SNX21: variants seen among roughly 807,000 people sequenced by gnomAD.
SNX21 encodes the protein sorting nexin family member 21.
In SNX21, 36 loss-of-function variants were observed where a neutral mutation model predicts 30.9. The observed-to-expected ratio is 1.16, with a 90% CI of 0.89 to 1.54. The LOEUF is 1.54. Among genes scored for constraint, SNX21 ranks in the 40% most tolerant of loss-of-function variants. The pLI is 0.00. For synonymous variants in SNX21, 218 were observed against 222.7 expected (o/e 0.98, Z 0.19); for missense variants, 508 against 516.5 (o/e 0.98, Z 0.16).
rs532837294 is a variant in SNX21 at position 45,833,872 on chromosome 20, G to A, written c.-48G>A. On this transcript the variant is annotated 5_prime_UTR_variant, in exon 1 of 4. Transcript: ENST00000491381. ...CTGCAGAACCCGGCCGACCTCCATG[G>A]GCTGCGGGGGGCTGCACCCGGACCC... is the stretch of plus-strand genomic sequence containing the variant. 219 of 1,330,616 alleles carry A rather than the reference G, an allele frequency of 1.6e-4. No homozygotes were observed. The highest frequency in any genetic ancestry group is 2.0e-4 in the Non-Finnish European group (212 of 1,038,952). The allele number at this position is 1,330,616 out of a possible 1,614,324, so 82.4% of individuals were successfully genotyped here. A position where few individuals can be genotyped will look rare whatever the true frequency, so the allele number is the denominator to read the frequency against.
Position 45,834,376 on chromosome 20 carries a change from C to CCGAGGAGGA in SNX21, c.203_204insGGACGAGGA (p.Glu67_Asp68insGluAspGlu), listed in dbSNP as rs768689522. 4 of 1,604,250 alleles carry CCGAGGAGGA rather than the reference C, an allele frequency of 2.5e-6. No individual in the cohort carries two copies. The African/African-American group carries it at 5.3e-5, about 21-fold the overall frequency. On this transcript the variant is annotated inframe_insertion, in exon 2 of 4. Transcript: ENST00000491381. ...AGCGGCACCCTCAGCTTCACCAGCG[C>CCGAGGAGGA]CGAGGACGACGAGGACGACGAGGAC...
In SNX21 at chr20:45,842,753, G is replaced by C; in HGVS notation, c.*1440G>C. The C allele has an allele frequency of 1.0e-6, 1 of 989,310 alleles. No homozygotes were observed. The allele number at this position is 989,310 out of a possible 1,614,324, so 61.3% of individuals were successfully genotyped here. A position where few individuals can be genotyped will look rare whatever the true frequency, so the allele number is the denominator to read the frequency against. Reference sequence around the variant, plus strand: ...GAGAGGGTCAGGAATTTGGCCCCATGATGAAGCCAAATCTGAACCCATGTC... The same window carrying C: ...GAGAGGGTCAGGAATTTGGCCCCATCATGAAGCCAAATCTGAACCCATGTC... On this transcript the variant is annotated 3_prime_UTR_variant, in exon 4 of 4. Transcript: ENST00000491381.
chr20:45,840,388 G>A, intron 3 of SNX21: 3 of 1,614,202 alleles, frequency 1.9e-6, no homozygotes, highest in South Asian at 1.1e-5. Flanking sequence ...GCAGCCCCGG[G>A]CACTGAAGCT....
chr20:45,839,804 G>A (rs1169220623), intron 3 of SNX21, among the ~76,000 whole-genome samples: 2 of 151,966 alleles, frequency 1.3e-5, no homozygotes, highest in African/African-American at 4.8e-5. Flanking sequence ...AGCTACTTGG[G>A]AGGCTGAGGC....
In SNX21 at chr20:45,841,533, A is replaced by G. The variant is rs1984125383; in HGVS notation, c.*220A>G. The G allele has an allele frequency of 1.4e-6, 2 of 1,386,968 alleles. No individual in the cohort carries two copies. The highest frequency in any genetic ancestry group is 1.8e-5 in the South Asian group (1 of 55,258). 85.9% of individuals were successfully genotyped at this position (1,386,968 alleles called of 1,614,324 possible). A position where few individuals can be genotyped will look rare whatever the true frequency, so the allele number is the denominator to read the frequency against. On this transcript the variant is annotated 3_prime_UTR_variant, in exon 4 of 4. Transcript: ENST00000491381. ...CTTGTGTAGTACAGGGAAGTCTGAC[A>G]CAGCCTCTCCAGCCTATAAACAGCC...
rs1463464749 is a variant in SNX21 at position 45,834,977 on chromosome 20, A to T, written c.308A>T (p.Asp103Val). Residue 103 changes from aspartate (D) to valine (V), a missense_variant, in exon 3 of 4, where the codon GAT becomes GTT. Asp to Val is a radical substitution (Grantham distance 152). Transcript: ENST00000491381. ...GEDAERSPPP[D>V]GQWGSQLLAR... is the part of the protein sequence containing the mutation. ...TCTGCAGAACGGAGCCCCCCACCTG[A>T]TGGGCAGTGGGGCAGTCAGCTCCTG... is the stretch of plus-strand genomic sequence containing the variant. 1 of 1,613,994 alleles carries T rather than the reference A, an allele frequency of 6.2e-7. No homozygotes were observed. Among genetic ancestry groups the T allele is most frequent in the Admixed American group, 1.7e-5 (1 of 59,994 alleles).
Position 45,840,812 on chromosome 20 carries a change from G to GACCAT in SNX21, c.622_626dup (p.Ala210ProfsTer77), listed in dbSNP as rs757254392. On this transcript the variant is annotated frameshift_variant, in exon 4 of 4. Transcript: ENST00000491381. LOFTEE classifies it high-confidence loss of function. ...GGCTGCGCCGGAATTTTACTGCAGAGACCATTGCCCGCCGTAGCCGGGCCT... is the reference window on the plus strand; with the variant it reads ...GGCTGCGCCGGAATTTTACTGCAGAGACCATACCATTGCCCGCCGTAGCCGGGCCT... 10 of 1,613,822 alleles carry GACCAT rather than the reference G, an allele frequency of 6.2e-6. No individual in the cohort carries two copies. The African/African-American group carries it at 1.2e-4, about 19-fold the overall frequency.
In SNX21 at chr20:45,834,194, C is replaced by A. The variant is rs777783045; in HGVS notation, c.22-7C>A. On this transcript the variant is annotated splice_polypyrimidine_tract_variant and splice_region_variant and intron_variant, in intron 1 of 3. Transcript: ENST00000491381. ...ATCCGGTACACAGCGTCGCGCGCTCCCCCCAGGGTGCCATGGCCTCCCGGC... is the reference window on the plus strand; with the variant it reads ...ATCCGGTACACAGCGTCGCGCGCTCACCCCAGGGTGCCATGGCCTCCCGGC... The A allele has an allele frequency of 6.7e-7, 1 of 1,492,062 alleles. No homozygotes were observed. Among genetic ancestry groups the A allele is most frequent in the South Asian group, 1.3e-5 (1 of 74,078 alleles). The allele number at this position is 1,492,062 out of a possible 1,614,324, so 92.4% of individuals were successfully genotyped here.
chr20:45,837,724 TTTC>T (rs376709948), intron 3 of SNX21, among the ~76,000 whole-genome samples: 38 of 152,318 alleles, frequency 2.5e-4, no homozygotes, highest in African/African-American at 7.9e-4. Flanking sequence ...CTTGTGTCCT[TTTC>T]TTCTTAACAT....
At chr20:45,839,532 TAAAAA>T (rs948717538) in intron 3 of SNX21, among the ~76,000 whole-genome samples, 2 of 150,502 alleles carry the variant, frequency 1.3e-5, no homozygotes, top group African/African-American at 2.4e-5. Flanking sequence ...TCAAAAAAAA[TAAAAA>T]AATAAAAAAA....
chr20:45,836,825 G>C (rs568528237), intron 3 of SNX21, among the ~76,000 whole-genome samples: 74 of 152,138 alleles, frequency 4.9e-4, no homozygotes, highest in African/African-American at 1.7e-3. Context: ...AGTATGCCCC[G>C]GCCTGTGTCT....
intron 3 of SNX21, among the ~76,000 whole-genome samples, chr20:45,839,290 C>A (rs551549615): frequency 3.3e-5 from 5 of 152,064 alleles, no homozygotes; most frequent in Non-Finnish European, 5.9e-5. Flanking sequence ...CAAAGGCGGG[C>A]GGATCACAAG....
rs1312920715 is a variant in SNX21, at chr20:45,841,232, C to T, written c.1041C>T (p.Leu347=). Reference sequence around the variant, plus strand: ...ACAAACGTCAATCAGAGGCTCGGCTCCAAGCCCTGCAGGAGGCAGGCCTTA... The same window carrying T: ...ACAAACGTCAATCAGAGGCTCGGCTTCAAGCCCTGCAGGAGGCAGGCCTTA... ...GLDKRQSEAR[L]QALQEAGLTP... The change falls in exon 4 of 4, where the codon CTC becomes CTT. Residue 347 remains leucine, a synonymous_variant. Transcript: ENST00000491381. 4 of 1,613,014 alleles carry T rather than the reference C, an allele frequency of 2.5e-6. No individual in the cohort carries two copies. The highest frequency in any genetic ancestry group is 2.5e-6 in the Non-Finnish European group (3 of 1,179,648).
At chr20:45,834,821 C>T in intron 2 of SNX21, 138 bp from the exon 3 acceptor site, 1 of 1,187,692 alleles carries the variant, frequency 8.4e-7, no homozygotes, top group Non-Finnish European at 1.2e-6. Flanking sequence ...TCCTCGGTGC[C>T]TCTCTGTCCC....
Position 45,833,912 on chromosome 20 carries a change from G to GC in SNX21, c.-4dup. 1 of 1,386,130 alleles carries GC rather than the reference G, an allele frequency of 7.2e-7. No homozygotes were observed. The highest frequency in any genetic ancestry group is 9.3e-7 in the Non-Finnish European group (1 of 1,069,538). The allele number at this position is 1,386,130 out of a possible 1,614,324, so 85.9% of individuals were successfully genotyped here. A position where few individuals can be genotyped will look rare whatever the true frequency, so the allele number is the denominator to read the frequency against. On this transcript the variant is annotated 5_prime_UTR_variant, in exon 1 of 4. It removes the in-frame stop codon of an upstream open reading frame in the 5' UTR. Transcript: ENST00000491381. ...CACCCGGACCCCTGGGGCGCGGCGC[G>GC]CCCCTGAATGCACCGTGGGACGCAG...
Position 45,840,665 on chromosome 20 carries a change from A to C in SNX21, c.474A>C (p.Pro158=). The C allele has an allele frequency of 1.2e-6, 2 of 1,614,098 alleles. No individual in the cohort carries two copies. Among genetic ancestry groups the C allele is most frequent in the Non-Finnish European group, 1.7e-6 (2 of 1,180,000 alleles). ...YVLYTLAVIG[P]GPPDCQPAQI... ...TCTACACCCTCGCCGTGATCGGCCC[A>C]GGACCGCCAGATTGCCAGCCAGCCC... The change falls in exon 4 of 4, where the codon CCA becomes CCC. Residue 158 remains proline (P), a synonymous_variant. Transcript: ENST00000491381.
At chr20:45,834,012 A>C in intron 1 of SNX21, 72 bp downstream of exon 1, 1 of 1,429,212 alleles carries the variant, frequency 7.0e-7, no homozygotes, top group Non-Finnish European at 9.2e-7. Context: ...ACGCGGTCCT[A>C]GGCTGAGTGG....
chr20:45,840,103 G>A (rs1240133681), intron 3 of SNX21: 2 of 980,520 alleles, frequency 2.0e-6, no homozygotes, highest in Non-Finnish European at 2.4e-6. Context: ...ACACAGAGAA[G>A]GAGTAGCTGA....
rs1473761940 is a variant in SNX21, at chr20:45,842,357, A to G, written c.*1044A>G. On this transcript the variant is annotated 3_prime_UTR_variant, in exon 4 of 4. Coordinates refer to ENST00000491381, the MANE Select transcript of SNX21 (RefSeq NM_033421.4). ...AAAGATCACAGAGGGAGGAGCTCTG[A>G]GAACAGTCTCCTTCAACAGCTCGGC... is the stretch of plus-strand genomic sequence containing the variant. 2 of 1,353,872 alleles carry G rather than the reference A, an allele frequency of 1.5e-6. No individual in the cohort carries two copies. Among genetic ancestry groups the G allele is most frequent in the Non-Finnish European group, 1.9e-6 (2 of 1,054,200 alleles). The allele number at this position is 1,353,872 out of a possible 1,614,324, so 83.9% of individuals were successfully genotyped here.
Sources: gnomAD v4.1 joint callset for allele counts (sites outside exome capture counted in the v4.1 genomes callset) on GRCh38, gnomAD v4.1.1 for gene constraint, MANE v1.5 for transcripts, NCBI Gene and HGNC (gene_info 2026-07-23, HGNC 2026-07-21) for gene names.